FYB1: variants seen among roughly 807,000 people sequenced by gnomAD.
FYB1 encodes FYN-binding protein 1.
In FYB1, 41 loss-of-function variants were observed where a neutral mutation model predicts 94.1. That is an observed-to-expected ratio of 0.44 (90% CI 0.34 to 0.57). The LOEUF is 0.57. Ranked by LOEUF, FYB1 falls within the 20% of genes least tolerant of loss-of-function variation. FYB1 has a pLI of 0.02. For missense variants in FYB1, 1,050 were observed against 976.8 expected (o/e 1.07, Z -1.00); for synonymous variants, 367 against 353.2 (o/e 1.04, Z -0.44).
intron 1 of FYB1, among the ~76,000 whole-genome samples, chr5:39,255,124 A>G (rs1038862840): frequency 7.2e-5 from 11 of 152,172 alleles, no homozygotes; most frequent in African/African-American, 2.7e-4. Flanking sequence ...CAAGAGGAGA[A>G]AATCATGGAG....
intron 1 of FYB1, among the ~76,000 whole-genome samples, chr5:39,258,363 G>A (rs758355114): frequency 2.6e-5 from 4 of 152,174 alleles, no homozygotes; most frequent in Non-Finnish European, 5.9e-5. Context: ...ACTTTGGAAG[G>A]CTGAGGTAGG....
intron 1 of FYB1, among the ~76,000 whole-genome samples, chr5:39,216,326 A>C (rs746292287): frequency 6.6e-6 from 1 of 152,230 alleles, no homozygotes; most frequent in African/African-American, 2.4e-5. Context: ...AATCTCTAAT[A>C]TAAAAATAGT....
intron 1 of FYB1, among the ~76,000 whole-genome samples, chr5:39,210,410 T>C (rs540017044): frequency 6.6e-6 from 1 of 152,364 alleles, no homozygotes; most frequent in East Asian, 1.9e-4. Context: ...CTGTTTCTAC[T>C]GTGTTCTCTC....
Position 39,201,966 on chromosome 5 carries a change from T to G in FYB1, c.995A>C (p.Lys332Thr). 6.2e-7 allele frequency: 1 copy of G among 1,613,980 alleles called. No homozygotes were observed. Among genetic ancestry groups the G allele is most frequent in the Non-Finnish European group, 8.5e-7 (1 of 1,179,890 alleles). ...VGGPWGQSQE[K>T]EKGDKNSATP... ...GGCTGAATTCTTGTCTCCCTTTTCC[T>G]TTTCCTGACTTTGGCCCCATGGCCC... Residue 332 changes from lysine (K) to threonine (T), a missense_variant, in exon 2 of 19, where the codon AAG becomes ACG. Coordinates refer to ENST00000512982, the MANE Select transcript of FYB1 (RefSeq NM_001465.6).
chr5:39,209,043 A>C (rs1004520393), intron 1 of FYB1: 65 of 93,872 alleles, frequency 6.9e-4, no homozygotes, highest in Admixed American at 1.9e-3. Flanking sequence ...CACACACACA[A>C]TGCGCACACA....
At position 39,137,521 on chromosome 5, in the gene FYB1, T is replaced by G. The variant is rs1741773928; in HGVS notation, c.1515+79A>C. 5 of 1,462,324 alleles carry G rather than the reference T, an allele frequency of 3.4e-6. No homozygotes were observed. In the South Asian group the frequency reaches 5.6e-5, roughly 16 times the overall value. The allele number at this position is 1,462,324 out of a possible 1,614,324, so 90.6% of individuals were successfully genotyped here. A position where few individuals can be genotyped will look rare whatever the true frequency, so the allele number is the denominator to read the frequency against. ...ATAAGTAATTCTTCAACTATGTAAGTTTTCAAGAATGGTACCCCTTTTGTG... is the reference window on the plus strand; with the variant it reads ...ATAAGTAATTCTTCAACTATGTAAGGTTTCAAGAATGGTACCCCTTTTGTG... On this transcript the variant is annotated intron_variant, in intron 7 of 18. Coordinates refer to ENST00000512982, the MANE Select transcript of FYB1 (RefSeq NM_001465.6).
In FYB1 at chr5:39,268,318, C is replaced by A. The variant is rs192137379; in HGVS notation, c.-28+6085G>T. Among the ~76,000 whole-genome samples, 3 of 150,978 alleles carry A rather than the reference C, an allele frequency of 2.0e-5. No homozygotes were observed. In the East Asian group the frequency reaches 5.8e-4, roughly 29 times the overall value. On this transcript the variant is annotated intron_variant, in intron 1 of 1. Coordinates refer to the FYB1 transcript ENST00000510188. ...TCATTCATCACTGCCGCCTTGAACT[C>A]CTGAGCTCAAATAATCCTCCTGCAT...
intron 2 of FYB1, among the ~76,000 whole-genome samples, chr5:39,183,468 T>C (rs1215983543): frequency 6.6e-6 from 1 of 152,154 alleles, no homozygotes; most frequent in East Asian, 1.9e-4. Flanking sequence ...AGAATGAATG[T>C]TGTCCCAAAA....
intron 1 of FYB1, among the ~76,000 whole-genome samples, chr5:39,270,020 C>T (rs745578076): frequency 6.6e-6 from 1 of 152,136 alleles, no homozygotes; most frequent in Non-Finnish European, 1.5e-5. Context: ...TTTAAGTATG[C>T]TCCAAATAAT....
intron 3 of FYB1, among the ~76,000 whole-genome samples, chr5:39,144,215 T>C (rs1042144678): frequency 1.1e-4 from 16 of 152,214 alleles, no homozygotes; most frequent in Non-Finnish European, 2.1e-4. Flanking sequence ...AGTCTGGGTA[T>C]TGAGTGTCAA....
chr5:39,107,940 T>C (rs1738675767), intron 18 of FYB1, among the ~76,000 whole-genome samples: 1 of 152,110 alleles, frequency 6.6e-6, no homozygotes, highest in Non-Finnish European at 1.5e-5. Flanking sequence ...GTTTATTTGC[T>C]TGGATAAAAG....
intron 2 of FYB1, among the ~76,000 whole-genome samples, chr5:39,174,598 A>G (rs1745546755): frequency 6.6e-6 from 1 of 152,206 alleles, no homozygotes; most frequent in Non-Finnish European, 1.5e-5. Flanking sequence ...CAAGGTCCAG[A>G]TAAGTTTAAT....
chr5:39,137,450 CA>C (rs1449325906), intron 7 of FYB1, 149 bp downstream of exon 7: 3 of 869,024 alleles, frequency 3.5e-6, no homozygotes, highest in African/African-American at 1.8e-5. Context: ...GTGTATTGGA[CA>C]AAAAAGTACT....
chr5:39,169,901 T>G, intron 2 of FYB1: 2 of 605,050 alleles, frequency 3.3e-6, no homozygotes, highest in South Asian at 2.9e-5. Context: ...CCTTTTTCCT[T>G]TTTGATTTCC....
intron 1 of FYB1, among the ~76,000 whole-genome samples, chr5:39,253,058 T>A (rs7720690): frequency 0.32 from 48,682 of 151,820 alleles, 9,428 homozygotes; most frequent in African/African-American, 0.55. Context: ...TTACAAGGGG[T>A]AGACAGAAAC....
At chr5:39,109,968 C>T (rs995116977) in intron 17 of FYB1, among the ~76,000 whole-genome samples, 12 of 152,074 alleles carry the variant, frequency 7.9e-5, no homozygotes, top group Non-Finnish European at 1.6e-4. Flanking sequence ...GATATTAGCA[C>T]CTACTATGAA....
chr5:39,186,638 CTTTTTTTTT>C (rs56144868), intron 2 of FYB1, among the ~76,000 whole-genome samples: 2,951 of 76,482 alleles, frequency 0.039, 133 homozygotes, highest in African/African-American at 0.13. Flanking sequence ...CAATTGGATG[CTTTTTTTTT>C]TTTTTTTTTT....
chr5:39,149,798 C>T (rs1743085943), intron 3 of FYB1, among the ~76,000 whole-genome samples: 1 of 152,068 alleles, frequency 6.6e-6, no homozygotes. Context: ...ATTGATTGTT[C>T]CTGTTATTCT....
chr5:39,130,521 G>A lies in FYB1; in HGVS notation c.1840+69C>T. 6.5e-6 allele frequency: 8 copies of A among 1,229,412 alleles called. No individual in the cohort carries two copies. In the South Asian group the frequency reaches 7.8e-5, roughly 12 times the overall value. The allele number at this position is 1,229,412 out of a possible 1,614,324, so 76.2% of individuals were successfully genotyped here. A position where few individuals can be genotyped will look rare whatever the true frequency, so the allele number is the denominator to read the frequency against. On this transcript the variant is annotated intron_variant, in intron 10 of 18. Transcript: ENST00000512982. ...CTATGCATGTAACAAAATAACACATGTGCTCCATAAATACATGCCAATATA... is the reference window on the plus strand; with the variant it reads ...CTATGCATGTAACAAAATAACACATATGCTCCATAAATACATGCCAATATA...
Sources: allele counts gnomAD v4.1 joint callset (sites outside exome capture counted in the v4.1 genomes callset), GRCh38; gene constraint gnomAD v4.1.1; transcripts MANE v1.5; gene names NCBI Gene and HGNC (gene_info 2026-07-23, HGNC 2026-07-21).